The following ADCY9 variants were observed in gnomAD, a reference collection of about 807,000 sequenced individuals.
The protein encoded by ADCY9 is adenylate cyclase 9.
Under a neutral mutation model 101.5 loss-of-function variants are expected in ADCY9, and 50 were observed. That is an observed-to-expected ratio of 0.49 (90% CI 0.39 to 0.62). The LOEUF (loss-of-function observed/expected upper bound fraction) is 0.62. Ranked by LOEUF, ADCY9 falls within the 20% of genes least tolerant of loss-of-function variation. ADCY9 has a pLI of 0.00. For synonymous variants in ADCY9, 905 were observed against 769.3 expected, an observed-to-expected ratio of 1.18 and a Z score of -2.92; for missense variants, 1,662 against 1,800.4, an observed-to-expected ratio of 0.92 and a Z score of 1.39.
In ADCY9 at chr16:3,963,973, T is replaced by TG. The variant is rs1460727553; in HGVS notation, c.*1801dup. 1 of 152,570 alleles carries TG rather than the reference T, an allele frequency of 6.6e-6. No individual in the cohort carries two copies. The highest frequency in any genetic ancestry group is 1.5e-5 in the Non-Finnish European group (1 of 68,040). The allele number at this position is 152,570 out of a possible 1,614,324, so 9.5% of individuals were successfully genotyped here. A position where few individuals can be genotyped will look rare whatever the true frequency, so the allele number is the denominator to read the frequency against. The stretch of plus-strand genomic sequence containing the variant: ...ACCTGACAGGAAACCTTACAGCTAA[T>TG]GGGGGGAGGTGCCCTGGACTCTCAG... On this transcript the variant is annotated 3_prime_UTR_variant, in exon 11 of 11. Transcript: ENST00000294016.
At chr16:4,110,944 A>G (rs2057110032) in intron 2 of ADCY9, among the ~76,000 whole-genome samples, 6 of 152,216 alleles carry the variant, frequency 3.9e-5, no homozygotes, top group Admixed American at 3.9e-4. Flanking sequence ...TCTGGAGTCG[A>G]GTCCCACCTC....
Position 4,114,122 on chromosome 16 carries a change from G to A in ADCY9, c.1321C>T (p.Leu441=), listed in dbSNP as rs537563703. ...GCCACGCAGTAGTAACAGTCTCCCAGGGTGCTGATTTTCTCACACTTGGTC... is the reference window on the plus strand; with the variant it reads ...GCCACGCAGTAGTAACAGTCTCCCAAGGTGCTGATTTTCTCACACTTGGTC... The part of the protein sequence containing the change: ...EETKCEKIST[L]GDCYYCVAGC... The change falls in exon 2 of 11, where the codon CTG becomes TTG. Residue 441 remains leucine (L), a synonymous_variant. Coordinates refer to ENST00000294016, the MANE Select transcript of ADCY9 (RefSeq NM_001116.4). The surrounding 1 kb of genome is among the most constrained non-coding windows in gnomAD (Gnocchi z 4.3). The A allele has an allele frequency of 2.5e-6, 4 of 1,613,734 alleles. No homozygotes were observed. In the South Asian group the frequency reaches 3.3e-5, roughly 13 times the overall value.
At position 3,979,269 on chromosome 16, in the gene ADCY9, C is replaced by T; in HGVS notation, c.2526G>A (p.Val842=). Residue 842 remains valine (V), a synonymous_variant, in exon 8 of 11, where the codon GTG becomes GTA. Coordinates refer to ENST00000294016, the MANE Select transcript of ADCY9 (RefSeq NM_001116.4). ...VLSLAVSIRM[V]FFLEDVMACT... ...AGGCCATGACGTCCTCCAGGAAGAA[C>T]ACCATCCTGCGAGAGGCATGGGGGT... is the stretch of plus-strand genomic sequence containing the variant. 2.5e-6 allele frequency: 4 copies of T among 1,613,764 alleles called. No individual in the cohort carries two copies. The highest frequency in any genetic ancestry group is 3.4e-6 in the Non-Finnish European group (4 of 1,179,906).
intron 2 of ADCY9, among the ~76,000 whole-genome samples, chr16:4,098,679 T>G (rs1366124681): frequency 6.6e-6 from 1 of 152,042 alleles, no homozygotes; most frequent in Non-Finnish European, 1.5e-5. Context: ...TCCAGTGGCG[T>G]GGAAACAGAT....
At chr16:4,100,679 G>C (rs2057036906) in intron 2 of ADCY9, among the ~76,000 whole-genome samples, 1 of 149,484 alleles carries the variant, frequency 6.7e-6, no homozygotes, top group African/African-American at 2.5e-5. Context: ...ACAGGTGGAA[G>C]CTACAGTGAG....
intron 7 of ADCY9, 69 bp from the exon 8 acceptor site, chr16:3,979,344 C>G: frequency 1.3e-6 from 2 of 1,567,596 alleles, no homozygotes; most frequent in South Asian, 1.1e-5. Context: ...GAGACAGGTG[C>G]GAGGCCGCAG....
At chr16:4,046,187 G>A (rs554776894) in intron 2 of ADCY9, among the ~76,000 whole-genome samples, 3 of 152,220 alleles carry the variant, frequency 2.0e-5, no homozygotes, top group African/African-American at 7.2e-5. Context: ...AACCTGAGCT[G>A]AGCCTTAAGT....
intron 2 of ADCY9, among the ~76,000 whole-genome samples, chr16:4,029,888 C>G (rs79470779): frequency 0.011 from 1,604 of 152,254 alleles, 32 homozygotes; most frequent in African/African-American, 0.036. Context: ...AAAAGACACT[C>G]AGCCAGGGAA....
chr16:4,015,028 C>G (rs1412281211), intron 2 of ADCY9, among the ~76,000 whole-genome samples: 2 of 146,552 alleles, frequency 1.4e-5, no homozygotes, highest in Non-Finnish European at 3.0e-5. Context: ...CAAGCTCTGC[C>G]TCCCGGGTTC....
At chr16:4,010,899 T>A (rs565347456) in intron 2 of ADCY9, among the ~76,000 whole-genome samples, 5 of 152,126 alleles carry the variant, frequency 3.3e-5, no homozygotes, top group African/African-American at 1.2e-4. Context: ...AGGGGCTCTC[T>A]CGCTTGCCCT....
chr16:4,092,075 C>G (rs1228901625), intron 2 of ADCY9, among the ~76,000 whole-genome samples: 1 of 152,230 alleles, frequency 6.6e-6, no homozygotes, highest in Non-Finnish European at 1.5e-5. Flanking sequence ...ACAAGGCCAG[C>G]CTGGCCAACA....
Position 3,979,142 on chromosome 16 carries a change from T to C in ADCY9, c.2653A>G (p.Thr885Ala). ...LPALAVYSHV[T>A]SEYETNIHFP... ...TGTATGTTGGTCTCATATTCGGAGG[T>C]GACATGGGAGTAGACGGCCAGTGCG... is the stretch of plus-strand genomic sequence containing the variant. Residue 885 changes from threonine to alanine, a missense_variant, in exon 8 of 11, where the codon ACC becomes GCC. Thr to Ala is a moderately conservative substitution (Grantham distance 58). Transcript: ENST00000294016. The C allele has an allele frequency of 6.2e-7, 1 of 1,613,778 alleles. No homozygotes were observed. Among genetic ancestry groups the C allele is most frequent in the Non-Finnish European group, 8.5e-7 (1 of 1,179,964 alleles).
rs1328122353 is a variant in ADCY9, at chr16:4,115,629, G to A, written c.-44+61C>T. 4.4e-5 allele frequency: 31 copies of A among 710,752 alleles called. No homozygotes were observed. The highest frequency in any genetic ancestry group is 6.4e-5 in the Non-Finnish European group (29 of 451,032). The allele number at this position is 710,752 out of a possible 1,614,324, so 44.0% of individuals were successfully genotyped here. On this transcript the variant is annotated intron_variant, in intron 1 of 10. Coordinates refer to ENST00000294016, the MANE Select transcript of ADCY9 (RefSeq NM_001116.4). This position sits in a 1 kb window ranked among gnomAD's most constrained non-coding sequence, Gnocchi z 6.2. ...TGTTCCTGTGGTTCCCGGCTCAGCG[G>A]TGCTCCCACCGCCCCCACCGCCCCC...
In ADCY9 at chr16:4,107,138, C is replaced by T. The variant is rs147762377; in HGVS notation, c.1693+6612G>A. 5.3e-3 allele frequency among the ~76,000 whole-genome samples: 805 copies of T among 152,306 alleles called. 6 individuals are homozygous for T. Among genetic ancestry groups the T allele is most frequent in the Middle Eastern group, 0.017 (5 of 294 alleles). ...ACTGGGGGCAGCTTGAGTGTCGACT[C>T]TACTGCTGTTTTCTGTCTCCCACCC... On this transcript the variant is annotated intron_variant, in intron 2 of 10. Coordinates refer to ENST00000294016, the MANE Select transcript of ADCY9 (RefSeq NM_001116.4).
intron 7 of ADCY9, among the ~76,000 whole-genome samples, chr16:3,981,139 G>A (rs73508304): frequency 0.047 from 7,158 of 152,226 alleles, 556 homozygotes; most frequent in African/African-American, 0.16. Context: ...CTGGTAAATG[G>A]AACCAAATCC....
In ADCY9 at chr16:4,007,370, T is replaced by G. The variant is rs766679285; in HGVS notation, c.1882A>C (p.Lys628Gln). Residue 628 changes from lysine to glutamine, a missense_variant and splice_region_variant, in exon 3 of 11, where the codon AAG (lysine) becomes CAG (glutamine). Lys to Gln is a moderately conservative substitution (Grantham distance 53). Transcript: ENST00000294016. ...AAAAAAAAAACAAAAAAACTAACCT[T>G]AAGGTTATCAAAGGTTTTGACAGTC... ...AQTVKTFDNL[K>Q]TCPSCGITFA... 1.9e-6 allele frequency: 3 copies of G among 1,563,768 alleles called. No homozygotes were observed. Among genetic ancestry groups the G allele is most frequent in the Non-Finnish European group, 2.6e-6 (3 of 1,159,790 alleles).
rs2056364794 is a variant in ADCY9 at position 4,006,013 on chromosome 16, A to G, written c.1884+1355T>C. ...CAAGGCGGCTGTCTCTAAAGTTTGC[A>G]GGCATCCAGGGAATCTCAGATACAT... On this transcript the variant is annotated intron_variant, in intron 3 of 10. Transcript: ENST00000294016. 1.3e-5 allele frequency among the ~76,000 whole-genome samples: 2 copies of G among 152,152 alleles called. 1 individual carries two copies. The highest frequency in any genetic ancestry group is 4.1e-4 in the South Asian group (2 of 4,828).
At chr16:4,073,025 C>CA (rs370616248) in intron 2 of ADCY9, among the ~76,000 whole-genome samples, 147 of 143,758 alleles carry the variant, frequency 1.0e-3, no homozygotes, top group African/African-American at 3.2e-3. Flanking sequence ...CAAACAAAAC[C>CA]AAAAAAAAGA....
chr16:4,054,932 G>A lies in ADCY9; in HGVS notation c.1694-47374C>T, dbSNP rs140474247. Among the ~76,000 whole-genome samples the A allele has an allele frequency of 2.0e-4, 30 of 152,264 alleles. No homozygotes were observed. In the East Asian group the frequency reaches 3.3e-3, roughly 17 times the overall value. On this transcript the variant is annotated intron_variant, in intron 2 of 10. Transcript: ENST00000294016. ...TCCCACATGCTGTACAACACCACTCGAGATTTTAGGGTTTTTGCGGGTTTT... is the reference window on the plus strand; with the variant it reads ...TCCCACATGCTGTACAACACCACTCAAGATTTTAGGGTTTTTGCGGGTTTT...
Sources: gnomAD v4.1 joint callset for allele counts (sites outside exome capture counted in the v4.1 genomes callset) on GRCh38, gnomAD v4.1.1 for gene constraint, Gnocchi (gnomAD v3.1) non-coding constraint, MANE v1.5 for transcripts, NCBI Gene and HGNC (gene_info 2026-07-23, HGNC 2026-07-21) for gene names.